IQGAP1: variants seen among roughly 807,000 people sequenced by gnomAD.
The protein encoded by IQGAP1 is IQ motif containing GTPase activating protein 1.
In IQGAP1, 66 loss-of-function variants were observed where a neutral mutation model predicts 215.6. The ratio of observed to expected loss-of-function variants is 0.31; its 90% CI spans 0.25 to 0.38. The LOEUF is 0.38. Ranked by LOEUF, IQGAP1 falls within the 10% of genes least tolerant of loss-of-function variation. IQGAP1 has a pLI of 1.00. For synonymous variants in IQGAP1, 772 were observed against 728.7 expected (o/e 1.06, Z -0.96); for missense variants, 1,712 against 1,997.1 (o/e 0.86, Z 2.72).
At chr15:90,448,006 G>A (rs1415316028) in intron 9 of IQGAP1, among the ~76,000 whole-genome samples, 1 of 152,148 alleles carries the variant, frequency 6.6e-6, no homozygotes, top group African/African-American at 2.4e-5. Flanking sequence ...GGAAGTATCA[G>A]GGTAATGAGA....
Position 90,399,021 on chromosome 15 carries a change from A to AG in IQGAP1, c.155+8148_155+8149insG, listed in dbSNP as rs1168479463. 4.6e-3 allele frequency among the ~76,000 whole-genome samples: 693 copies of AG among 151,652 alleles called. 4 individuals are homozygous for AG. Among genetic ancestry groups the AG allele is most frequent in the African/African-American group, 0.016 (670 of 41,264 alleles). The stretch of plus-strand genomic sequence containing the variant: ...CATTGTCTCAAAAAAAAAAAAAAAA[A>AG]AAAAGTGAATATAGGAAATCTTCCT... On this transcript the variant is annotated intron_variant, in intron 2 of 37. Transcript: ENST00000268182.
intron 2 of IQGAP1, among the ~76,000 whole-genome samples, chr15:90,424,167 A>AT: frequency 6.6e-6 from 1 of 152,168 alleles, no homozygotes; most frequent in East Asian, 1.9e-4. Flanking sequence ...TGCCAGAATG[A>AT]TTTTATCAAC....
chr15:90,453,551 A>G (rs1039559746), intron 13 of IQGAP1, among the ~76,000 whole-genome samples: 1 of 152,224 alleles, frequency 6.6e-6, no homozygotes, highest in African/African-American at 2.4e-5. Context: ...CTTTTTAAAT[A>G]TCATCTAACC....
Position 90,433,791 on chromosome 15 carries a change from C to G in IQGAP1, c.463C>G (p.Leu155Val). 6.3e-7 allele frequency: 1 copy of G among 1,578,586 alleles called. No homozygotes were observed. Among genetic ancestry groups the G allele is most frequent in the East Asian group, 2.3e-5 (1 of 44,272 alleles). The change falls in exon 5 of 38, where the codon CTC (leucine) becomes GTC (valine). Residue 155 changes from leucine to valine, a missense_variant. Transcript: ENST00000268182. Reference protein sequence around the residue: ...MPRCIYCIHALSLYLFKLGLA... With the variant: ...MPRCIYCIHAVSLYLFKLGLA... ...AAGATGTATCTACTGTATCCATGCA[C>G]TCAGGTAGTCAAATTTTCTTGGCAA...
chr15:90,480,975 G>A (rs570207350), intron 26 of IQGAP1, among the ~76,000 whole-genome samples: 2 of 152,254 alleles, frequency 1.3e-5, no homozygotes, highest in South Asian at 4.1e-4. Flanking sequence ...GCCTCTACTT[G>A]TATTTTCTAA....
chr15:90,437,368 C>G (rs1965384347), intron 5 of IQGAP1, among the ~76,000 whole-genome samples: 1 of 152,094 alleles, frequency 6.6e-6, no homozygotes, highest in Non-Finnish European at 1.5e-5. Flanking sequence ...CATTCTTGAA[C>G]TTTCTTAAAA....
intron 13 of IQGAP1, 27 bp downstream of exon 13, chr15:90,453,319 AT>A: frequency 6.4e-7 from 1 of 1,568,450 alleles, no homozygotes; most frequent in Non-Finnish European, 8.7e-7. Flanking sequence ...AAGGGAATAA[AT>A]CCATTACGTA....
intron 2 of IQGAP1, among the ~76,000 whole-genome samples, chr15:90,423,572 C>G (rs535581351): frequency 1.3e-5 from 2 of 152,186 alleles, no homozygotes; most frequent in African/African-American, 2.4e-5. Context: ...GGTGATACTC[C>G]ATTGTGAAAT....
chr15:90,500,018 A>G lies in IQGAP1; in HGVS notation c.4884A>G (p.Glu1628=). 1.2e-6 allele frequency: 2 copies of G among 1,605,624 alleles called. No homozygotes were observed. The part of the protein sequence containing the change: ...HYQDLLQLQY[E]GVAVMKLFDR... ...AGGACCTGCTGCAGCTACAGTATGA[A>G]GGAGTTGCAGTCATGAAATTATTTG... Residue 1628 remains glutamate, a synonymous_variant, in exon 38 of 38, where the codon GAA becomes GAG. Transcript: ENST00000268182.
At chr15:90,494,282 G>A (rs1966244135) in intron 35 of IQGAP1, 1 of 144,758 alleles carries the variant, frequency 6.9e-6, no homozygotes, top group African/African-American at 2.7e-5. Context: ...TTGCTGTGCT[G>A]GCTTAAACGC....
At chr15:90,477,585 G>A (rs894253985) in intron 25 of IQGAP1, 80 bp from the exon 26 acceptor site, 1 of 1,010,360 alleles carries the variant, frequency 9.9e-7, no homozygotes, top group African/African-American at 1.6e-5. Context: ...GTTTCAGGGA[G>A]ATAGGATCTT....
intron 2 of IQGAP1, among the ~76,000 whole-genome samples, chr15:90,401,077 G>C (rs1179802474): frequency 6.6e-6 from 1 of 152,204 alleles, no homozygotes; most frequent in African/African-American, 2.4e-5. Flanking sequence ...GGACTTGGTT[G>C]CCTAGAGACC....
chr15:90,464,769 G>A (rs936228125), intron 15 of IQGAP1, among the ~76,000 whole-genome samples: 3 of 151,690 alleles, frequency 2.0e-5, no homozygotes, highest in Non-Finnish European at 2.9e-5. Context: ...GGAGAATGGC[G>A]TGAACCTGGA....
intron 15 of IQGAP1, among the ~76,000 whole-genome samples, chr15:90,457,898 T>G (rs1272553565): frequency 6.6e-6 from 1 of 152,238 alleles, no homozygotes; most frequent in Non-Finnish European, 1.5e-5. Context: ...ACAACTTAAT[T>G]GAAACGTAAT....
rs574138144 is a variant in IQGAP1 at position 90,395,545 on chromosome 15, C to T, written c.155+4672C>T. ...CCGTGTTAGCCAGGATAGTCTTGAT[C>T]TCCTGACCTCGTGATCCGCCCGCCT... is the stretch of plus-strand genomic sequence containing the variant. On this transcript the variant is annotated intron_variant, in intron 2 of 37. Coordinates refer to ENST00000268182, the MANE Select transcript of IQGAP1 (RefSeq NM_003870.4). 9.2e-5 allele frequency among the ~76,000 whole-genome samples: 14 copies of T among 152,310 alleles called. 1 individual carries two copies. The South Asian group carries it at 2.5e-3, about 27-fold the overall frequency.
chr15:90,432,369 C>T (rs1371489138), intron 4 of IQGAP1, among the ~76,000 whole-genome samples: 4 of 152,128 alleles, frequency 2.6e-5, no homozygotes, highest in Non-Finnish European at 5.9e-5. Flanking sequence ...GTTACAACAG[C>T]CTCCCAGCAT....
intron 5 of IQGAP1, among the ~76,000 whole-genome samples, chr15:90,434,889 T>G (rs949302953): frequency 6.6e-6 from 1 of 152,172 alleles, no homozygotes; most frequent in African/African-American, 2.4e-5. Flanking sequence ...TTTTAGCAGA[T>G]TTACTTGATG....
In IQGAP1 at chr15:90,487,580, C is replaced by G. The variant is rs773928875; in HGVS notation, c.4246C>G (p.Gln1416Glu). 6.2e-7 allele frequency: 1 copy of G among 1,610,548 alleles called. No individual in the cohort carries two copies. Among genetic ancestry groups the G allele is most frequent in the Non-Finnish European group, 8.5e-7 (1 of 1,176,878 alleles). ...EILETPATSE[Q>E]EAEHQRAMQR... ...CCTAGAAACACCAGCCACCAGTGAACAGGTAAAATTTAGGGTCTAACATAC... is the reference window on the plus strand; with the variant it reads ...CCTAGAAACACCAGCCACCAGTGAAGAGGTAAAATTTAGGGTCTAACATAC... The change falls in exon 33 of 38, where the codon CAG (glutamine) becomes GAG (glutamate). Residue 1416 changes from glutamine (Q) to glutamate (E), a missense_variant and splice_region_variant. By Grantham distance (29) the Gln-to-Glu change is conservative (BLOSUM62 2). Transcript: ENST00000268182.
At chr15:90,411,599 C>G (rs1964966779) in intron 2 of IQGAP1, among the ~76,000 whole-genome samples, 1 of 152,174 alleles carries the variant, frequency 6.6e-6, no homozygotes, top group African/African-American at 2.4e-5. Context: ...TTGTAGAGGA[C>G]TCTTACCTGT....
Sources: gnomAD v4.1 joint callset for allele counts (sites outside exome capture counted in the v4.1 genomes callset) on GRCh38, gnomAD v4.1.1 for gene constraint, MANE v1.5 for transcripts, NCBI Gene and HGNC (gene_info 2026-07-23, HGNC 2026-07-21) for gene names.